The following STK32B variants were observed in gnomAD, a reference collection of about 807,000 sequenced individuals.
STK32B encodes the protein serine/threonine kinase 32B.
In STK32B, 43 loss-of-function variants were observed where a neutral mutation model predicts 52.6. The ratio of observed to expected loss-of-function variants is 0.82; its 90% CI spans 0.64 to 1.05. STK32B has a LOEUF of 1.05. Among genes scored for constraint, STK32B ranks in the 50% least tolerant of loss-of-function variants. The pLI, the probability that STK32B is intolerant of heterozygous loss-of-function variation, is 0.00. For synonymous variants in STK32B, 238 were observed against 204.3 expected (o/e 1.17, Z -1.41); for missense variants, 621 against 534.6 (o/e 1.16, Z -1.59).
chr4:5,051,510 C>G lies in STK32B; in HGVS notation c.-354C>G, dbSNP rs1477192313. On this transcript the variant is annotated 5_prime_UTR_variant, in exon 1 of 12. Coordinates refer to ENST00000282908, the MANE Select transcript of STK32B (RefSeq NM_018401.3). ...CCTCCTTCCCCTGCTCCCGCGCCGC[C>G]TCGCGTCTCCCGCCCGCTGTAGCCG... The G allele has an allele frequency of 6.4e-6, 2 of 314,046 alleles. No homozygotes were observed. The highest frequency in any genetic ancestry group is 6.3e-5 in the East Asian group (1 of 15,804). 19.5% of individuals were successfully genotyped at this position (314,046 alleles called of 1,614,324 possible). A position where few individuals can be genotyped will look rare whatever the true frequency, so the allele number is the denominator to read the frequency against.
At chr4:5,404,323 T>C (rs1356059681) in intron 5 of STK32B, among the ~76,000 whole-genome samples, 1 of 152,074 alleles carries the variant, frequency 6.6e-6, no homozygotes, top group Non-Finnish European at 1.5e-5. Flanking sequence ...GCAGCATAAC[T>C]CTGCTCTTCA....
intron 1 of STK32B, among the ~76,000 whole-genome samples, chr4:5,077,949 C>CCCAG (rs1712179769): frequency 6.6e-6 from 1 of 152,100 alleles, no homozygotes; most frequent in Non-Finnish European, 1.5e-5. Context: ...AAGGAAGTGG[C>CCCAG]CCAGGGTGCA....
intron 6 of STK32B, among the ~76,000 whole-genome samples, chr4:5,428,235 G>A (rs1308829312): frequency 1.3e-5 from 2 of 151,902 alleles, no homozygotes; most frequent in Admixed American, 1.3e-4. Context: ...GTGAAACCCC[G>A]TCTCTACTAA....
intron 1 of STK32B, among the ~76,000 whole-genome samples, chr4:5,082,134 T>G (rs1712473703): frequency 6.6e-6 from 1 of 152,114 alleles, no homozygotes; most frequent in South Asian, 2.1e-4. Flanking sequence ...TTTTTCTCCC[T>G]TGGAGGGATT....
At chr4:5,040,513 C>G in the STK32B span, among the ~76,000 whole-genome samples, 1 of 151,672 alleles carries the variant, frequency 6.6e-6, no homozygotes, top group Non-Finnish European at 1.5e-5. Flanking sequence ...CCTACCTCAG[C>G]TTCCCGAGTA....
At chr4:5,482,985 T>A (rs1718846685) in intron 11 of STK32B, among the ~76,000 whole-genome samples, 1 of 152,228 alleles carries the variant, frequency 6.6e-6, no homozygotes, top group African/African-American at 2.4e-5. Context: ...TGGATTCGGT[T>A]TGCCAGTATT....
chr4:5,265,811 G>A lies in STK32B; in HGVS notation c.261-65409G>A, dbSNP rs917181286. Reference sequence around the variant, plus strand: ...ACATTTTTTATCCTCTTTATTTTGGGCTTGATATTCCAAGTGTTTTCCTTG... The same window carrying A: ...ACATTTTTTATCCTCTTTATTTTGGACTTGATATTCCAAGTGTTTTCCTTG... On this transcript the variant is annotated intron_variant, in intron 3 of 11. Coordinates refer to ENST00000282908, the MANE Select transcript of STK32B (RefSeq NM_018401.3). Among the ~76,000 whole-genome samples, 3 of 151,642 alleles carry A rather than the reference G, an allele frequency of 2.0e-5. No individual in the cohort carries two copies. In the South Asian group the frequency reaches 6.2e-4, roughly 32 times the overall value.
chr4:5,320,643 C>T (rs772861892), intron 3 of STK32B, among the ~76,000 whole-genome samples: 2 of 152,060 alleles, frequency 1.3e-5, no homozygotes, highest in Non-Finnish European at 2.9e-5. Context: ...AAGTATGTAT[C>T]GCCACAGGGA....
At chr4:5,331,127 C>T in intron 3 of STK32B, 93 bp from the exon 4 acceptor site, 3 of 1,270,420 alleles carry the variant, frequency 2.4e-6, no homozygotes, top group South Asian at 3.1e-5. Flanking sequence ...CTCTCTGAGC[C>T]TCAGTTTGCT....
chr4:5,479,264 C>T (rs549192880), intron 11 of STK32B, among the ~76,000 whole-genome samples: 5 of 151,414 alleles, frequency 3.3e-5, no homozygotes, highest in South Asian at 2.1e-4. Flanking sequence ...GGATTACAGG[C>T]GCCCACCACC....
intron 2 of STK32B, among the ~76,000 whole-genome samples, chr4:5,157,767 C>G (rs567074840): frequency 6.6e-6 from 1 of 152,324 alleles, no homozygotes; most frequent in African/African-American, 2.4e-5. Flanking sequence ...ACAGTTTTGA[C>G]TGCAAAGGTT....
intron 2 of STK32B, among the ~76,000 whole-genome samples, chr4:5,157,311 A>AAAAC (rs1717937130): frequency 6.6e-6 from 1 of 151,198 alleles, no homozygotes; most frequent in Non-Finnish European, 1.5e-5. Context: ...AAAAAAAAAA[A>AAAAC]AAAAAAAAAG....
intron 4 of STK32B, among the ~76,000 whole-genome samples, chr4:5,356,076 T>C (rs868648611): frequency 3.0e-4 from 46 of 152,148 alleles, no homozygotes; most frequent in Admixed American, 1.7e-3. Flanking sequence ...ACACCCTGGC[T>C]GTGACCACCT....
chr4:5,110,159 T>A (rs1437961106), intron 1 of STK32B, among the ~76,000 whole-genome samples: 1 of 151,450 alleles, frequency 6.6e-6, no homozygotes, highest in Non-Finnish European at 1.5e-5. Flanking sequence ...ATCAATATCA[T>A]TAAAATGACC....
rs144370732 is a variant in STK32B at position 5,473,764 on chromosome 4, G to A, written c.1106+5694G>A. Among the ~76,000 whole-genome samples the A allele has an allele frequency of 8.7e-4, 132 of 152,280 alleles. No homozygotes were observed. In the Middle Eastern group the frequency reaches 0.01, roughly 12 times the overall value. On this transcript the variant is annotated intron_variant, in intron 11 of 11. Coordinates refer to ENST00000282908, the MANE Select transcript of STK32B (RefSeq NM_018401.3). ...ACCACACAATGGCAGCAAACCCAGC[G>A]CATTTGCTGTGGATGGAGGGTGCCC...
chr4:5,435,858 T>C (rs1452639648), intron 6 of STK32B: 1 of 152,008 alleles, frequency 6.6e-6, no homozygotes, highest in Non-Finnish European at 1.5e-5. Context: ...AGGAGGGAGA[T>C]GGTAAGGAAG....
At chr4:5,466,944 A>G (rs1359674252) in intron 10 of STK32B, 110 bp downstream of exon 10, 2 of 1,387,102 alleles carry the variant, frequency 1.4e-6, no homozygotes, top group Admixed American at 2.7e-5. Context: ...CTCCCTTCCA[A>G]TTTCCTTATT....
chr4:5,223,066 C>T (rs1723642907), intron 3 of STK32B, among the ~76,000 whole-genome samples: 1 of 152,176 alleles, frequency 6.6e-6, no homozygotes, highest in Non-Finnish European at 1.5e-5. Context: ...TCTGGTTCCC[C>T]ACATTCTTGT....
At chr4:5,151,592 A>AT (rs2108846060) in intron 2 of STK32B, among the ~76,000 whole-genome samples, 1 of 152,308 alleles carries the variant, frequency 6.6e-6, no homozygotes, top group South Asian at 2.1e-4. Flanking sequence ...CAATCCATTG[A>AT]TTTTTAGCAA....
Sources: allele counts gnomAD v4.1 joint callset (sites outside exome capture counted in the v4.1 genomes callset), GRCh38; gene constraint gnomAD v4.1.1; transcripts MANE v1.5; gene names NCBI Gene and HGNC (gene_info 2026-07-23, HGNC 2026-07-21).